The following DCDC1 variants were observed in gnomAD, a reference collection of about 807,000 sequenced individuals.
The protein encoded by DCDC1 is doublecortin domain-containing protein 1.
DCDC1 carries 200 observed loss-of-function variants against 178.3 expected under a neutral mutation model. The observed-to-expected ratio is 1.12, with a 90% CI of 1.00 to 1.26. DCDC1 has a LOEUF of 1.26. Among genes scored for constraint, DCDC1 ranks in the 50% most tolerant of loss-of-function variants. The pLI is 0.00. For synonymous variants in DCDC1, 690 were observed against 604.8 expected (o/e 1.14, Z -2.07); for missense variants, 1,983 against 1,749.2 (o/e 1.13, Z -2.38).
At chr11:31,261,270 C>T (rs955788608) in intron 8 of DCDC1, among the ~76,000 whole-genome samples, 1 of 152,054 alleles carries the variant, frequency 6.6e-6, no homozygotes, top group Non-Finnish European at 1.5e-5. Flanking sequence ...ACATTATCTC[C>T]TAAGTTAATC....
intron 15 of DCDC1, among the ~76,000 whole-genome samples, chr11:31,101,913 C>T (rs927266640): frequency 4.0e-5 from 6 of 151,840 alleles, no homozygotes; most frequent in African/African-American, 1.2e-4. Flanking sequence ...CCCATCTCTA[C>T]GAAAAGTACA....
chr11:31,167,659 A>G (rs1966849035), intron 9 of DCDC1, among the ~76,000 whole-genome samples: 1 of 152,158 alleles, frequency 6.6e-6, no homozygotes, highest in Non-Finnish European at 1.5e-5. Context: ...AGCACTGACC[A>G]CAGACTCCTG....
In DCDC1 at chr11:31,306,234, A is replaced by C. The variant is rs771771238; in HGVS notation, c.589T>G (p.Leu197Val). The C allele has an allele frequency of 6.6e-7, 1 of 1,525,032 alleles. No homozygotes were observed. Among genetic ancestry groups the C allele is most frequent in the Non-Finnish European group, 8.8e-7 (1 of 1,136,782 alleles). 94.5% of individuals were successfully genotyped at this position (1,525,032 alleles called of 1,614,324 possible). The change falls in exon 5 of 39, where the codon TTG becomes GTG. Residue 197 changes from leucine to valine, a missense_variant and splice_region_variant. Physicochemically the swap from Leu to Val is conservative, Grantham distance 32. Transcript: ENST00000684477. ...GAAAACTTTGGAACACTAGTTACCA[A>C]GGTGATGGTTGGTACAGTAACTCTG... ...FARVTVPTIT[L>V]LLEECTEKLN...
intron 17 of DCDC1, among the ~76,000 whole-genome samples, chr11:31,081,612 A>C (rs1172584607): frequency 6.6e-6 from 1 of 150,582 alleles, no homozygotes; most frequent in African/African-American, 2.5e-5. Context: ...CTCCATCTCA[A>C]AAAAAAAAGA....
In DCDC1 at chr11:31,115,987, G is replaced by C. The variant is rs952023816; in HGVS notation, c.1486-5626C>G. Among the ~76,000 whole-genome samples the C allele has an allele frequency of 1.2e-3, 167 of 134,140 alleles. 9 individuals carry two copies. Among genetic ancestry groups the C allele is most frequent in the African/African-American group, 4.2e-3 (157 of 37,108 alleles). 88.0% of individuals were successfully genotyped at this position (134,140 alleles called of 152,430 possible). ...AAGGATATAGCTGTGGCAGTGGGGG[G>C]GGGGGGGATGGGTATCTCAGTCCTG... On this transcript the variant is annotated intron_variant, in intron 11 of 38. Coordinates refer to ENST00000684477, the MANE Select transcript of DCDC1 (RefSeq NM_001387274.1).
chr11:31,018,499 G>A (rs1952645603), intron 20 of DCDC1, among the ~76,000 whole-genome samples: 1 of 152,156 alleles, frequency 6.6e-6, no homozygotes, highest in Admixed American at 6.5e-5. Context: ...TTTTATGTTT[G>A]CTACAACCCT....
intron 36 of DCDC1, chr11:30,882,758 G>A (rs993672357): frequency 2.6e-5 from 4 of 152,074 alleles, no homozygotes; most frequent in Non-Finnish European, 4.4e-5. Context: ...ACAATGTAAA[G>A]CTAATGAAAA....
At chr11:31,328,945 C>CTGTTTT (rs1949801227) in intron 2 of DCDC1, among the ~76,000 whole-genome samples, 1 of 47,788 alleles carries the variant, frequency 2.1e-5, no homozygotes, top group Non-Finnish European at 4.2e-5. Context: ...CACCACAAGG[C>CTGTTTT]TTTTTTTTTT....
At chr11:31,201,403 A>G (rs1244759284) in intron 9 of DCDC1, among the ~76,000 whole-genome samples, 3 of 152,042 alleles carry the variant, frequency 2.0e-5, no homozygotes, top group Non-Finnish European at 2.9e-5. Context: ...ACTAAAATAT[A>G]GCTTGAATAT....
At chr11:30,968,667 A>ATATATATATCAAAT in intron 20 of DCDC1, among the ~76,000 whole-genome samples, 1 of 140,160 alleles carries the variant, frequency 7.1e-6, no homozygotes, top group East Asian at 2.0e-4. Context: ...TATACATCAA[A>ATATATATATCAAAT]TATATATATC....
intron 27 of DCDC1, among the ~76,000 whole-genome samples, chr11:30,914,731 T>C (rs1420496076): frequency 1.1e-4 from 17 of 151,954 alleles, no homozygotes. Flanking sequence ...ATTTCATCCA[T>C]TCCCCTCAAC....
At chr11:31,200,264 C>A (rs760469681) in intron 9 of DCDC1, among the ~76,000 whole-genome samples, 6 of 151,976 alleles carry the variant, frequency 3.9e-5, no homozygotes, top group Non-Finnish European at 7.4e-5. Context: ...TTAAGGAATT[C>A]TCTTCAGGAT....
At chr11:30,944,357 TA>T (rs1473037002) in intron 21 of DCDC1, 2 of 456,252 alleles carry the variant, frequency 4.4e-6, no homozygotes, top group Admixed American at 2.4e-5. Context: ...ATGTAAGACA[TA>T]ATGGTTAGAT....
intron 21 of DCDC1, among the ~76,000 whole-genome samples, chr11:30,942,737 G>A (rs934459794): frequency 1.3e-5 from 2 of 152,176 alleles, no homozygotes; most frequent in African/African-American, 4.8e-5. Flanking sequence ...CACTACTGAA[G>A]CACTGCTGTC....
chr11:31,087,169 G>A (rs1349309973), intron 17 of DCDC1, among the ~76,000 whole-genome samples: 1 of 152,034 alleles, frequency 6.6e-6, no homozygotes, highest in Non-Finnish European at 1.5e-5. Flanking sequence ...CTGGCACATG[G>A]TTGTTCAAAA....
At chr11:31,340,191 G>C (rs1950471029) in intron 1 of DCDC1, among the ~76,000 whole-genome samples, 1 of 151,480 alleles carries the variant, frequency 6.6e-6, no homozygotes, top group African/African-American at 2.4e-5. Context: ...GTGCCTAAAA[G>C]GCCTTTAAGT....
Position 31,331,659 on chromosome 11 carries a change from T to C in DCDC1, c.-6-3373A>G, listed in dbSNP as rs193003870. On this transcript the variant is annotated intron_variant, in intron 2 of 38. Transcript: ENST00000684477. The stretch of plus-strand genomic sequence containing the variant: ...TAATCGTGGTTTTTGTCTTTGGTTC[T>C]GTTTATGTGATGGATTATGTTTATT... 3.9e-3 allele frequency among the ~76,000 whole-genome samples: 592 copies of C among 152,362 alleles called. 4 individuals are homozygous for C. The highest frequency in any genetic ancestry group is 0.013 in the African/African-American group (550 of 41,594).
intron 8 of DCDC1, 150 bp from the exon 9 acceptor site, chr11:31,241,766 T>A: frequency 2.6e-6 from 1 of 385,250 alleles, no homozygotes; most frequent in Non-Finnish European, 4.6e-6. Context: ...ATTCCTGCGT[T>A]ACTAGTGGCC....
chr11:30,928,756 T>C, intron 22 of DCDC1, among the ~76,000 whole-genome samples: 1 of 149,812 alleles, frequency 6.7e-6, no homozygotes, highest in Non-Finnish European at 1.5e-5. Flanking sequence ...ATATTTATAC[T>C]ATGAGTAATT....
Sources: gnomAD v4.1 joint callset for allele counts (sites outside exome capture counted in the v4.1 genomes callset) on GRCh38, gnomAD v4.1.1 for gene constraint, MANE v1.5 for transcripts, NCBI Gene and HGNC (gene_info 2026-07-23, HGNC 2026-07-21) for gene names.